DOP1A: variants seen among roughly 807,000 people sequenced by gnomAD.
The protein encoded by DOP1A is DOP1 leucine zipper like protein A.
Under a neutral mutation model 267.6 loss-of-function variants are expected in DOP1A, and 90 were observed. That is an observed-to-expected ratio of 0.34 (90% CI 0.28 to 0.40). The LOEUF (loss-of-function observed/expected upper bound fraction) is 0.40. DOP1A is among the 10% of genes least tolerant of loss of function. DOP1A has a pLI of 1.00. For synonymous variants in DOP1A, 932 were observed against 999.1 expected (o/e 0.93, Z 1.27); for missense variants, 2,437 against 2,900.4 (o/e 0.84, Z 3.67).
chr6:83,167,494 G>T (rs1362718388), intron 38 of DOP1A: 1 of 1,002,112 alleles, frequency 1.0e-6, no homozygotes, highest in East Asian at 1.0e-4. Context: ...TAGTAATTTT[G>T]TGACCTAGTC....
At chr6:83,110,039 G>A in intron 5 of DOP1A, 86 bp from the exon 6 acceptor site, 1 of 1,383,190 alleles carries the variant, frequency 7.2e-7, no homozygotes, top group African/African-American at 1.5e-5. Context: ...ATGGGTGTTT[G>A]CATACATTTT....
chr6:83,139,972 G>T (rs778296375), intron 21 of DOP1A, 28 bp from the exon 22 acceptor site: 5 of 1,474,562 alleles, frequency 3.4e-6, no homozygotes, highest in Non-Finnish European at 3.8e-6. Context: ...CATAAAACTT[G>T]TGTTTAAATG....
In DOP1A at chr6:83,168,052, C is replaced by T. The variant is rs751792386; in HGVS notation, c.7283C>T (p.Ala2428Val). 1 of 1,614,170 alleles carries T rather than the reference C, an allele frequency of 6.2e-7. No homozygotes were observed. The highest frequency in any genetic ancestry group is 8.5e-7 in the Non-Finnish European group (1 of 1,180,036). ...HSGSPILYSN[A>V]FPNKDMKLEN... is the part of the protein sequence containing the mutation. ...GGGAGTCCTATCCTCTACTCAAATGCCTTCCCTAATAAGGACATGAAACTG... is the reference window on the plus strand; with the variant it reads ...GGGAGTCCTATCCTCTACTCAAATGTCTTCCCTAATAAGGACATGAAACTG... Residue 2428 changes from alanine (A) to valine (V), a missense_variant, in exon 39 of 39, where the codon GCC becomes GTC. Coordinates refer to ENST00000349129, the MANE Select transcript of DOP1A (RefSeq NM_015018.4).
Position 83,151,692 on chromosome 6 carries a change from T to C in DOP1A, c.5904+33T>C, listed in dbSNP as rs771349966. 5.7e-6 allele frequency: 9 copies of C among 1,567,570 alleles called. No individual in the cohort carries two copies. In the Middle Eastern group the frequency reaches 5.1e-4, roughly 90 times the overall value. On this transcript the variant is annotated intron_variant, in intron 28 of 38. Coordinates refer to ENST00000349129, the MANE Select transcript of DOP1A (RefSeq NM_015018.4). ...AGTCTAAGAGCTGTTGCCAAAACTG[T>C]TTCTCAGTGCCCTCAATTTGAAAAT...
At position 83,134,110 on chromosome 6, in the gene DOP1A, T is replaced by C. The variant is rs571274059; in HGVS notation, c.2770-77T>C. 86 of 1,197,442 alleles carry C rather than the reference T, an allele frequency of 7.2e-5. 1 individual carries two copies. In the Admixed American group the frequency reaches 7.8e-4, roughly 11 times the overall value. 74.2% of individuals were successfully genotyped at this position (1,197,442 alleles called of 1,614,324 possible). A position where few individuals can be genotyped will look rare whatever the true frequency, so the allele number is the denominator to read the frequency against. ...TTGAACGTAATACAGTACTCCTAAA[T>C]AGTACTCTGATTTTACTAAAATCAT... On this transcript the variant is annotated intron_variant, in intron 18 of 38. Transcript: ENST00000349129.
intron 38 of DOP1A, chr6:83,164,792 G>C (rs1785060515): frequency 1.6e-6 from 2 of 1,268,818 alleles, no homozygotes; most frequent in Admixed American, 2.2e-5. Context: ...ACCCAGGTCT[G>C]AATGTCAACA....
intron 7 of DOP1A, among the ~76,000 whole-genome samples, chr6:83,116,822 A>T (rs979287650): frequency 6.6e-6 from 1 of 152,112 alleles, no homozygotes; most frequent in Non-Finnish European, 1.5e-5. Flanking sequence ...AAAAAAATCC[A>T]AAAAATACAG....
chr6:83,082,810 CTTTTT>C (rs1191012120), intron 1 of DOP1A, among the ~76,000 whole-genome samples: 1 of 142,044 alleles, frequency 7.0e-6, no homozygotes, highest in Non-Finnish European at 1.5e-5. Flanking sequence ...TTTAAACCCA[CTTTTT>C]TTTTTTTTTT....
downstream of DOP1A, chr6:83,169,942 C>T (rs1786743211): frequency 2.6e-6 from 1 of 383,250 alleles, no homozygotes; most frequent in Non-Finnish European, 5.0e-6. Flanking sequence ...TAGAAATGAA[C>T]TACAAAGCTG....
intron 5 of DOP1A, 139 bp from the exon 6 acceptor site, chr6:83,109,986 A>G: frequency 1.2e-6 from 1 of 809,296 alleles, no homozygotes; most frequent in Non-Finnish European, 1.8e-6. Flanking sequence ...TTCTTCTTTC[A>G]GTCTATCACA....
intron 16 of DOP1A, among the ~76,000 whole-genome samples, chr6:83,129,890 C>T (rs1333389945): frequency 1.3e-5 from 2 of 151,900 alleles, no homozygotes; most frequent in African/African-American, 2.4e-5. Context: ...TACTGTTTTT[C>T]GGGACAGAAA....
intron 25 of DOP1A, among the ~76,000 whole-genome samples, chr6:83,146,337 C>T (rs1395374556): frequency 6.6e-6 from 1 of 152,182 alleles, no homozygotes; most frequent in Non-Finnish European, 1.5e-5. Context: ...TAATCACATC[C>T]TTTAAAGAAT....
Position 83,118,903 on chromosome 6 carries a change from A to C in DOP1A, c.796A>C (p.Met266Leu). The change falls in exon 8 of 39, where the codon ATG (methionine) becomes CTG (leucine). Residue 266 changes from methionine to leucine, a missense_variant. This residue lies in a region of DOP1A where 251 missense variants were observed against 359.1 expected (regional missense o/e 0.70). Coordinates refer to ENST00000349129, the MANE Select transcript of DOP1A (RefSeq NM_015018.4). The stretch of plus-strand genomic sequence containing the variant: ...ACTCTTTCAGGCCACTCGACCGGAT[A>C]TGATCAGGATCTTGTCAGCAGCCCT... ...FHMSQATRPD[M>L]IRILSAALHV... The C allele has an allele frequency of 6.2e-7, 1 of 1,613,654 alleles. No homozygotes were observed. The highest frequency in any genetic ancestry group is 8.5e-7 in the Non-Finnish European group (1 of 1,179,632).
intron 17 of DOP1A, among the ~76,000 whole-genome samples, chr6:83,131,413 C>A (rs1332093926): frequency 1.3e-5 from 2 of 152,064 alleles, no homozygotes; most frequent in Admixed American, 1.3e-4. Flanking sequence ...TGTTACAGAT[C>A]AAGTGCTATG....
At chr6:83,082,810 C>CT (rs1191012120) in intron 1 of DOP1A, among the ~76,000 whole-genome samples, 3,781 of 141,932 alleles carry the variant, frequency 0.027, 144 homozygotes, top group African/African-American at 0.084. Flanking sequence ...TTTAAACCCA[C>CT]TTTTTTTTTT....
downstream of DOP1A, chr6:83,170,465 C>T: frequency 6.2e-7 from 1 of 1,613,916 alleles, no homozygotes; most frequent in Non-Finnish European, 8.5e-7. Flanking sequence ...GCTAATAACT[C>T]TCCTGTCTGC....
chr6:83,139,636 C>G (rs1440455633), intron 21 of DOP1A, among the ~76,000 whole-genome samples: 1 of 152,084 alleles, frequency 6.6e-6, no homozygotes, highest in Non-Finnish European at 1.5e-5. Flanking sequence ...AAAATTAGTT[C>G]CAGTAGACTG....
rs1374360832 is a variant in DOP1A at position 83,109,051 on chromosome 6, C to T, written c.462C>T (p.Gly154=). 4 of 1,613,130 alleles carry T rather than the reference C, an allele frequency of 2.5e-6. No homozygotes were observed. The highest frequency in any genetic ancestry group is 3.4e-6 in the Non-Finnish European group (4 of 1,179,806). ...GATTGCTTACTGGTATTCTTCCTGG[C>T]TTAGAAGAAGGATCAGAGTACTATG... ...LQGLLTGILP[G]LEEGSEYYER... is the part of the protein sequence containing the mutation. Residue 154 remains glycine, a synonymous_variant, in exon 5 of 39, where the codon GGC becomes GGT. Transcript: ENST00000349129.
intron 37 of DOP1A, among the ~76,000 whole-genome samples, chr6:83,162,109 A>G (rs1784367177): frequency 6.6e-6 from 1 of 152,144 alleles, no homozygotes; most frequent in South Asian, 2.1e-4. Flanking sequence ...TGGTTGTGTG[A>G]ATATATACTC....
Sources: gnomAD v4.1 joint callset for allele counts (sites outside exome capture counted in the v4.1 genomes callset) on GRCh38, gnomAD v4.1.1 for gene constraint, gnomAD v4.1.1 regional missense constraint, MANE v1.5 for transcripts, NCBI Gene and HGNC (gene_info 2026-07-23, HGNC 2026-07-21) for gene names.